CST9L: variants seen among roughly 807,000 people sequenced by gnomAD.
The protein encoded by CST9L is cystatin 9 like.
A neutral mutation model predicts 13.2 loss-of-function variants in CST9L; 17 were observed. The observed-to-expected ratio is 1.29, with a 90% CI of 0.88 to 1.93. CST9L has a LOEUF of 1.93. CST9L is among the 30% of genes most tolerant of loss of function. The pLI is 0.00. For synonymous variants in CST9L, 78 were observed against 69.1 expected, an observed-to-expected ratio of 1.13 and a Z score of -0.64; for missense variants, 170 against 170.5, an observed-to-expected ratio of 1.00 and a Z score of 0.02.
In CST9L at chr20:23,568,272, T is replaced by C. The variant is rs1235671108; in HGVS notation, c.179A>G (p.Gln60Arg). The part of the protein sequence containing the change: ...TVEFAVHTFN[Q>R]QSKDYYAYRL... ...GTAGGCATAGTAGTCCTTGCTCTGT[T>C]GGTTGAATGTGTGGACAGCAAACTC... Residue 60 changes from glutamine (Q) to arginine (R), a missense_variant, in exon 1 of 3, where the codon CAA becomes CGA. Physicochemically the swap from Gln to Arg is conservative, Grantham distance 43. Transcript: ENST00000376979. The C allele has an allele frequency of 4.3e-6, 7 of 1,614,026 alleles. No homozygotes were observed. Among genetic ancestry groups the C allele is most frequent in the Non-Finnish European group, 5.1e-6 (6 of 1,180,034 alleles).
chr20:23,568,331 G>A lies in CST9L; in HGVS notation c.120C>T (p.His40=), dbSNP rs767733896. The part of the protein sequence containing the change: ...HFHEQRDCDE[H]NVMARYLPAT... ...CAGGGAGGTAACGAGCCATGACATT[G>A]TGTTCATCACAGTCCCTTTGCTCGT... Residue 40 remains histidine (H), a synonymous_variant, in exon 1 of 3, where the codon CAC becomes CAT. Transcript: ENST00000376979. 1 of 1,614,208 alleles carries A rather than the reference G, an allele frequency of 6.2e-7. No individual in the cohort carries two copies. The highest frequency in any genetic ancestry group is 8.5e-7 in the Non-Finnish European group (1 of 1,180,036).
rs758624895 is a variant in CST9L at position 23,566,076 on chromosome 20, C to G, written c.252G>C (p.Lys84Asn). 5.0e-6 allele frequency: 8 copies of G among 1,586,448 alleles called. No homozygotes were observed. Among genetic ancestry groups the G allele is most frequent in the Non-Finnish European group, 6.9e-6 (8 of 1,154,700 alleles). Residue 84 changes from lysine to asparagine, a missense_variant, in exon 2 of 3, where the codon AAG (lysine) becomes AAC (asparagine). Lys to Asn is a moderately conservative substitution (Grantham distance 94). Transcript: ENST00000376979. ...LNSWKEQVES[K>N]TVFSMELLLG... is the part of the protein sequence containing the mutation. ...GCAGTAGCTCCATTGAGAATACAGTCTTGGACTCCACCTATTGCACACAGA... is the reference window on the plus strand; with the variant it reads ...GCAGTAGCTCCATTGAGAATACAGTGTTGGACTCCACCTATTGCACACAGA...
intron 1 of CST9L, among the ~76,000 whole-genome samples, chr20:23,567,938 T>A (rs1303125844): frequency 6.6e-6 from 1 of 152,234 alleles, no homozygotes; most frequent in African/African-American, 2.4e-5. Context: ...AGTCCTCATT[T>A]TGAAGTCATT....
At chr20:23,566,753 A>G (rs1288697583) in intron 1 of CST9L, among the ~76,000 whole-genome samples, 4 of 152,038 alleles carry the variant, frequency 2.6e-5, no homozygotes, top group Admixed American at 2.6e-4. Context: ...GCATGGTGGC[A>G]GGTGCTTGTA....
intron 1 of CST9L, 70 bp downstream of exon 1, chr20:23,568,141 C>A (rs1442455507): frequency 4.5e-6 from 7 of 1,562,958 alleles, no homozygotes; most frequent in Admixed American, 1.7e-5. Flanking sequence ...CCCCTGTCCC[C>A]ACCCCACTCC....
At chr20:23,568,109 G>A (rs1040589956) in intron 1 of CST9L, 102 bp downstream of exon 1, 17 of 1,238,030 alleles carry the variant, frequency 1.4e-5, no homozygotes, top group African/African-American at 3.0e-5. Context: ...TACAACTGGT[G>A]AACAAGACTC....
At chr20:23,566,976 A>G (rs1301468867) in intron 1 of CST9L, among the ~76,000 whole-genome samples, 3 of 152,140 alleles carry the variant, frequency 2.0e-5, no homozygotes, top group Non-Finnish European at 4.4e-5. Context: ...ACTTCATTCC[A>G]TCTCCTTTCT....
intron 1 of CST9L, among the ~76,000 whole-genome samples, chr20:23,566,839 G>A (rs1394779786): frequency 6.6e-6 from 1 of 152,300 alleles, no homozygotes; most frequent in East Asian, 1.9e-4. Flanking sequence ...AGGGAGCTGA[G>A]ATTGTGCCAT....
At chr20:23,566,704 T>C (rs533806104) in intron 1 of CST9L, among the ~76,000 whole-genome samples, 9 of 151,876 alleles carry the variant, frequency 5.9e-5, no homozygotes, top group Non-Finnish European at 8.8e-5. Flanking sequence ...GCCAACATGG[T>C]GAAAACCCAT....
In CST9L at chr20:23,566,040, A is replaced by C; in HGVS notation, c.288T>G (p.Thr96=). ...TGTCGTCTTCAAATTTCCCACACCT[A>C]GTTCTCCCCAGCAGTAGCTCCATTG... The part of the protein sequence containing the change: ...VFSMELLLGR[T]RCGKFEDDID... The change falls in exon 2 of 3, where the codon ACT becomes ACG. Residue 96 remains threonine, a synonymous_variant. Coordinates refer to ENST00000376979, the MANE Select transcript of CST9L (RefSeq NM_080610.3). 1 of 1,611,306 alleles carries C rather than the reference A, an allele frequency of 6.2e-7. No individual in the cohort carries two copies. Among genetic ancestry groups the C allele is most frequent in the South Asian group, 1.1e-5 (1 of 91,010 alleles).
intron 1 of CST9L, among the ~76,000 whole-genome samples, chr20:23,567,660 T>C (rs150412078): frequency 6.6e-6 from 1 of 152,022 alleles, no homozygotes; most frequent in African/African-American, 2.4e-5. Context: ...TGAGGAAGAG[T>C]GTGAAACAGT....
At chr20:23,565,186 C>G (rs1197346986) in intron 2 of CST9L, 149 bp from the exon 3 acceptor site, 10 of 666,168 alleles carry the variant, frequency 1.5e-5, no homozygotes, top group South Asian at 1.4e-4. Flanking sequence ...TGTGCTGCCC[C>G]CAAGCCTGAG....
chr20:23,566,169 G>A, intron 1 of CST9L, 82 bp from the exon 2 acceptor site: 1 of 836,112 alleles, frequency 1.2e-6, no homozygotes, highest in Admixed American at 1.7e-5. Context: ...CATTTGTGTA[G>A]GAGAAGTCCC....
At position 23,568,248 on chromosome 20, in the gene CST9L, T is replaced by C; in HGVS notation, c.203A>G (p.Tyr68Cys). 8 of 1,614,164 alleles carry C rather than the reference T, an allele frequency of 5.0e-6. No individual in the cohort carries two copies. Among genetic ancestry groups the C allele is most frequent in the Non-Finnish European group, 6.8e-6 (8 of 1,180,016 alleles). Residue 68 changes from tyrosine (Y) to cysteine (C), a missense_variant, in exon 1 of 3, where the codon TAC becomes TGC. Coordinates refer to ENST00000376979, the MANE Select transcript of CST9L (RefSeq NM_080610.3). ...GGAATTCAAGATGTGCCCCAGTCTG[T>C]AGGCATAGTAGTCCTTGCTCTGTTG... ...FNQQSKDYYA[Y>C]RLGHILNSWK...
Position 23,564,959 on chromosome 20 carries a change from C to T in CST9L, c.433G>A (p.Gly145Arg), listed in dbSNP as rs376798152. ...TGAGTGGGTTTCACTCAGTGGAATC[C>T]CTCCAAGCAGGTCTTGTTCAGGAGG... The part of the protein sequence containing the change: ...FSLLNKTCLE[G>R]FH Residue 145 changes from glycine (G) to arginine (R), a missense_variant, in exon 3 of 3, where the codon GGA becomes AGA. Transcript: ENST00000376979. 30 of 1,612,228 alleles carry T rather than the reference C, an allele frequency of 1.9e-5. No homozygotes were observed. The highest frequency in any genetic ancestry group is 3.3e-5 in the Admixed American group (2 of 60,012).
At position 23,565,990 on chromosome 20, in the gene CST9L, C is replaced by T. The variant is rs371780080; in HGVS notation, c.338G>A (p.Ser113Asn). ...CTGTCTTACATTGTTCAGCTCTGTG[C>T]TTTCTTGGAAATGGCAGTTGTCAAT... ...DDIDNCHFQE[S>N]TELNNTFTCF... The change falls in exon 2 of 3, where the codon AGC (serine) becomes AAC (asparagine). Residue 113 changes from serine to asparagine, a missense_variant. Ser to Asn is a conservative substitution (Grantham distance 46). Transcript: ENST00000376979. 6.3e-7 allele frequency: 1 copy of T among 1,590,384 alleles called. No individual in the cohort carries two copies. Among genetic ancestry groups the T allele is most frequent in the Non-Finnish European group, 8.6e-7 (1 of 1,158,272 alleles).
intron 1 of CST9L, among the ~76,000 whole-genome samples, chr20:23,567,895 C>T (rs1989121404): frequency 6.6e-6 from 1 of 151,940 alleles, no homozygotes; most frequent in African/African-American, 2.4e-5. Context: ...CTGTTCAGCC[C>T]TTTTCCTTAT....
At chr20:23,565,514 G>A (rs1989079881) in intron 2 of CST9L, among the ~76,000 whole-genome samples, 1 of 152,176 alleles carries the variant, frequency 6.6e-6, no homozygotes, top group African/African-American at 2.4e-5. Context: ...GGCCTGGGAG[G>A]GAGGGTAGTG....
Position 23,568,389 on chromosome 20 carries a change from G to C in CST9L, c.62C>G (p.Ser21Cys). 6.2e-7 allele frequency: 1 copy of C among 1,614,188 alleles called. No individual in the cohort carries two copies. Residue 21 changes from serine (S) to cysteine (C), a missense_variant, in exon 1 of 3, where the codon TCC (serine) becomes TGC (cysteine). By Grantham distance (112) the Ser-to-Cys change is moderately radical. Transcript: ENST00000376979. ...SWALLLLLLG[S>C]QILLIYAWHF... is the part of the protein sequence containing the mutation. ...CCAGGCATAGATCAGCAGGATCTGG[G>C]AGCCTAAGAGAAGCAGCAGCAGCGC...
Sources: allele counts gnomAD v4.1 joint callset (sites outside exome capture counted in the v4.1 genomes callset), GRCh38; gene constraint gnomAD v4.1.1; transcripts MANE v1.5; gene names NCBI Gene and HGNC (gene_info 2026-07-23, HGNC 2026-07-21).